The following GRIN3B variants were observed in gnomAD, a reference collection of about 807,000 sequenced individuals.
GRIN3B encodes the protein glutamate ionotropic receptor NMDA type subunit 3B, also known as glutamate receptor ionotropic, NMDA 3B.
GRIN3B carries 77 observed loss-of-function variants against 66.0 expected under a neutral mutation model. That is an observed-to-expected ratio of 1.17 (90% CI 0.97 to 1.41). The LOEUF (loss-of-function observed/expected upper bound fraction) is 1.41. Ranked by LOEUF, GRIN3B falls within the 40% of genes most tolerant of loss-of-function variation. The pLI is 0.00. For missense variants in GRIN3B, 1,787 were observed against 1,564.5 expected (o/e 1.14, Z -2.40); for synonymous variants, 823 against 749.7 (o/e 1.10, Z -1.60).
At position 1,008,607 on chromosome 19, in the gene GRIN3B, G is replaced by A; in HGVS notation, c.2467-11G>A. ...CGTGACCGTGCGGGGCTCCTGCTGTGTTGCCCCCAGACCCTGCAGATGAGC... is the reference window on the plus strand; with the variant it reads ...CGTGACCGTGCGGGGCTCCTGCTGTATTGCCCCCAGACCCTGCAGATGAGC... On this transcript the variant is annotated splice_polypyrimidine_tract_variant and intron_variant, in intron 6 of 8. Transcript: ENST00000234389. The A allele has an allele frequency of 6.3e-7, 1 of 1,594,436 alleles. No homozygotes were observed. The highest frequency in any genetic ancestry group is 8.5e-7 in the Non-Finnish European group (1 of 1,176,214).
In GRIN3B at chr19:1,008,711, G is replaced by T. The variant is rs766936575; in HGVS notation, c.2560G>T (p.Ala854Ser). The change falls in exon 7 of 9, where the codon GCC (alanine) becomes TCC (serine). Residue 854 changes from alanine (A) to serine (S), a missense_variant. Coordinates refer to ENST00000234389, the MANE Select transcript of GRIN3B (RefSeq NM_138690.3). Reference protein sequence around the residue: ...SALLSSLGEHAFFRLALPRIR... With the variant: ...SALLSSLGEHSFFRLALPRIR... ...TCTGCTCAGCTCGCTGGGCGAGCAC[G>T]CCTTCTTCCGCCTGGCGCTGCCGCG... The T allele has an allele frequency of 6.2e-7, 1 of 1,608,224 alleles. No homozygotes were observed. Among genetic ancestry groups the T allele is most frequent in the Admixed American group, 1.7e-5 (1 of 59,926 alleles).
rs1225753607 is a variant in GRIN3B, at chr19:1,008,122, C to G, written c.2315-18C>G. ...GGGCTGTCCCACCTGGCCCCACCGC[C>G]TGGCCCCGCGCCCCCAGGCTATGGG... On this transcript the variant is annotated intron_variant, in intron 5 of 8. Coordinates refer to ENST00000234389, the MANE Select transcript of GRIN3B (RefSeq NM_138690.3). 6.3e-7 allele frequency: 1 copy of G among 1,580,192 alleles called. No homozygotes were observed. The highest frequency in any genetic ancestry group is 8.6e-7 in the Non-Finnish European group (1 of 1,163,108).
rs543762684 is a variant in GRIN3B at position 1,008,795 on chromosome 19, T to TGGGCGGCGGGCGGC, written c.2631+14_2631+27dup. 12 of 1,596,194 alleles carry TGGGCGGCGGGCGGC rather than the reference T, an allele frequency of 7.5e-6. No individual in the cohort carries two copies. In the African/African-American group the frequency reaches 1.5e-4, roughly 20 times the overall value. On this transcript the variant is annotated intron_variant, in intron 7 of 8. Coordinates refer to ENST00000234389, the MANE Select transcript of GRIN3B (RefSeq NM_138690.3). Reference sequence around the variant, plus strand: ...GCACACCAGCCAGGTGGGGAGCGGGTGGGCGGCGGGCGGCCCCACCCCCCC... The same window carrying TGGGCGGCGGGCGGC: ...GCACACCAGCCAGGTGGGGAGCGGGTGGGCGGCGGGCGGCGGGCGGCGGGCGGCCCCACCCCCCC...
rs1389305653 is a variant in GRIN3B, at chr19:1,008,712, C to T, written c.2561C>T (p.Ala854Val). 1.2e-6 allele frequency: 2 copies of T among 1,608,598 alleles called. No individual in the cohort carries two copies. Among genetic ancestry groups the T allele is most frequent in the Non-Finnish European group, 1.7e-6 (2 of 1,179,334 alleles). Residue 854 changes from alanine to valine, a missense_variant, in exon 7 of 9, where the codon GCC becomes GTC. By Grantham distance (64) the Ala-to-Val change is moderately conservative (BLOSUM62 0). Transcript: ENST00000234389. The stretch of plus-strand genomic sequence containing the variant: ...CTGCTCAGCTCGCTGGGCGAGCACG[C>T]CTTCTTCCGCCTGGCGCTGCCGCGC... The part of the protein sequence containing the change: ...SALLSSLGEH[A>V]FFRLALPRIR...
In GRIN3B at chr19:1,000,645, C is replaced by G. The variant is rs1458236738; in HGVS notation, c.208C>G (p.Leu70Val). ...AALAPRLPHN[L>V]SLELVVAAPP... is the part of the protein sequence containing the mutation. The stretch of plus-strand genomic sequence containing the variant: ...CCTGGCGCCGCGGCTGCCGCACAAC[C>G]TGAGCTTGGAGCTGGTGGTCGCCGC... The change falls in exon 1 of 9, where the codon CTG (leucine) becomes GTG (valine). Residue 70 changes from leucine (L) to valine (V), a missense_variant. By Grantham distance (32) the Leu-to-Val change is conservative (BLOSUM62 1). Transcript: ENST00000234389. 10 of 1,284,230 alleles carry G rather than the reference C, an allele frequency of 7.8e-6. No individual in the cohort carries two copies. In the East Asian group the frequency reaches 3.5e-4, roughly 45 times the overall value. The allele number at this position is 1,284,230 out of a possible 1,614,324, so 79.6% of individuals were successfully genotyped here.
Position 1,009,631 on chromosome 19 carries a change from A to G in GRIN3B, c.*29A>G. On this transcript the variant is annotated 3_prime_UTR_variant, in exon 9 of 9. Coordinates refer to ENST00000234389, the MANE Select transcript of GRIN3B (RefSeq NM_138690.3). ...GGCAGCCGGGCCGTTTGGGCTCAAGACACACACACAGCGCAGTGAGCCGCT... is the reference window on the plus strand; with the variant it reads ...GGCAGCCGGGCCGTTTGGGCTCAAGGCACACACACAGCGCAGTGAGCCGCT... 7.2e-7 allele frequency: 1 copy of G among 1,381,178 alleles called. No homozygotes were observed. Among genetic ancestry groups the G allele is most frequent in the Non-Finnish European group, 9.4e-7 (1 of 1,069,102 alleles). The allele number at this position is 1,381,178 out of a possible 1,614,324, so 85.6% of individuals were successfully genotyped here.
At position 1,004,887 on chromosome 19, in the gene GRIN3B, G is replaced by A. The variant is rs1175293732; in HGVS notation, c.1386G>A (p.Ala462=). Residue 462 remains alanine, a synonymous_variant, in exon 3 of 9, where the codon GCG becomes GCA. Transcript: ENST00000234389. ...DSATLDALFA[A]LANGSAPRAL... The stretch of plus-strand genomic sequence containing the variant: ...CCACCCTGGACGCACTGTTCGCCGC[G>A]CTGGCCAACGGCTCAGCGCCCCGTG... 44 of 1,600,910 alleles carry A rather than the reference G, an allele frequency of 2.7e-5. 1 individual carries two copies. In the Middle Eastern group the frequency reaches 5.0e-4, roughly 18 times the overall value.
chr19:1,008,695 C>T lies in GRIN3B; in HGVS notation c.2544C>T (p.Ser848=), dbSNP rs759466508. Residue 848 remains serine (S), a synonymous_variant, in exon 7 of 9, where the codon AGC becomes AGT. Transcript: ENST00000234389. ...TGGGCCTGGGCAGCGCTCTGCTCAGCTCGCTGGGCGAGCACGCCTTCTTCC... is the reference window on the plus strand; with the variant it reads ...TGGGCCTGGGCAGCGCTCTGCTCAGTTCGCTGGGCGAGCACGCCTTCTTCC... The part of the protein sequence containing the change: ...LCLGLGSALL[S]SLGEHAFFRL... 1.9e-6 allele frequency: 3 copies of T among 1,607,264 alleles called. No homozygotes were observed. The highest frequency in any genetic ancestry group is 4.5e-5 in the East Asian group (2 of 44,874).
chr19:1,005,401 A>T lies in GRIN3B; in HGVS notation c.1900A>T (p.Ser634Cys), dbSNP rs2038737377. The T allele has an allele frequency of 6.2e-7, 1 of 1,613,676 alleles. No individual in the cohort carries two copies. ...CATCCTCTTCAGACGCACCGTGTCC[A>T]GCAAGACGCCCAAGTGCCCCACGGG... ...YAILFRRTVS[S>C]KTPKCPTGRL... Residue 634 changes from serine to cysteine, a missense_variant, in exon 3 of 9, where the codon AGC becomes TGC. Transcript: ENST00000234389. This position sits in a 1 kb window ranked among gnomAD's most constrained non-coding sequence, Gnocchi z 5.2.
Position 1,007,614 on chromosome 19 carries a change from G to T in GRIN3B, c.2053-14G>T. ...GAGGGGCAGGCAGAGGCGCTGACGG[G>T]GTCCCCCGCGCAGCTGCACCACCCG... On this transcript the variant is annotated splice_polypyrimidine_tract_variant and intron_variant, in intron 3 of 8. Transcript: ENST00000234389. This position sits in a 1 kb window ranked among gnomAD's most constrained non-coding sequence, Gnocchi z 4.4. 4.7e-6 allele frequency: 7 copies of T among 1,482,302 alleles called. No individual in the cohort carries two copies. The highest frequency in any genetic ancestry group is 6.3e-6 in the Non-Finnish European group (7 of 1,119,212). The allele number at this position is 1,482,302 out of a possible 1,614,324, so 91.8% of individuals were successfully genotyped here.
Position 1,008,611 on chromosome 19 carries a change from C to A in GRIN3B, c.2467-7C>A. The A allele has an allele frequency of 6.3e-7, 1 of 1,595,268 alleles. No individual in the cohort carries two copies. Among genetic ancestry groups the A allele is most frequent in the Non-Finnish European group, 8.5e-7 (1 of 1,176,698 alleles). On this transcript the variant is annotated splice_region_variant and splice_polypyrimidine_tract_variant and intron_variant, in intron 6 of 8. Coordinates refer to ENST00000234389, the MANE Select transcript of GRIN3B (RefSeq NM_138690.3). ...ACCGTGCGGGGCTCCTGCTGTGTTG[C>A]CCCCAGACCCTGCAGATGAGCATCT...
Position 1,005,562 on chromosome 19 carries a change from C to G in GRIN3B, c.2052+9C>G, listed in dbSNP as rs1568391322. 1.9e-6 allele frequency: 3 copies of G among 1,560,336 alleles called. No homozygotes were observed. Among genetic ancestry groups the G allele is most frequent in the Non-Finnish European group, 2.6e-6 (3 of 1,150,886 alleles). On this transcript the variant is annotated intron_variant, in intron 3 of 8. Transcript: ENST00000234389. The surrounding 1 kb of genome is among the most constrained non-coding windows in gnomAD (Gnocchi z 5.2). ...GGATCCACGACCCCAAGGTGGGCGG[C>G]CTCGGGGGGCTGCGGGTGGCCTTGG...
At position 1,004,658 on chromosome 19, in the gene GRIN3B, T is replaced by A; in HGVS notation, c.1157T>A (p.Val386Glu). The change falls in exon 3 of 9, where the codon GTG becomes GAG. Residue 386 changes from valine to glutamate, a missense_variant. Transcript: ENST00000234389. ...CGGGGCGCCCCGGCCTGGGCCACGG[T>A]GGGCAGCTGGCGGGACGGCCAGCTG... is the stretch of plus-strand genomic sequence containing the variant. ...DPRGAPAWAT[V>E]GSWRDGQLDL... is the part of the protein sequence containing the mutation. 1.3e-6 allele frequency: 2 copies of A among 1,599,352 alleles called. No homozygotes were observed. Among genetic ancestry groups the A allele is most frequent in the Non-Finnish European group, 1.7e-6 (2 of 1,173,510 alleles).
rs546332829 is a variant in GRIN3B, at chr19:1,005,738, G to A, written c.2052+185G>A. On this transcript the variant is annotated intron_variant, in intron 3 of 8. Coordinates refer to ENST00000234389, the MANE Select transcript of GRIN3B (RefSeq NM_138690.3). The surrounding 1 kb of genome is among the most constrained non-coding windows in gnomAD (Gnocchi z 5.2). ...AAAATAGCCGGGCGCGGTGGCTCAC[G>A]CCTGTAATCCCAGCACTTTGGGAGA... Among the ~76,000 whole-genome samples, 32 of 152,232 alleles carry A rather than the reference G, an allele frequency of 2.1e-4. No homozygotes were observed. The highest frequency in any genetic ancestry group is 6.8e-3 in the Middle Eastern group (2 of 294).
At position 1,008,190 on chromosome 19, in the gene GRIN3B, G is replaced by A. The variant is rs374542881; in HGVS notation, c.2365G>A (p.Glu789Lys). 9.3e-6 allele frequency: 15 copies of A among 1,610,500 alleles called. No homozygotes were observed. The African/African-American group carries it at 1.5e-4, about 16-fold the overall frequency. The change falls in exon 6 of 9, where the codon GAG becomes AAG. Residue 789 changes from glutamate to lysine, a missense_variant. By Grantham distance (56) the Glu-to-Lys change is moderately conservative. Coordinates refer to ENST00000234389, the MANE Select transcript of GRIN3B (RefSeq NM_138690.3). Reference protein sequence around the residue: ...QNSPLTSNLSEFISRYKSSGF... With the variant: ...QNSPLTSNLSKFISRYKSSGF... ...CTCGCCGCTCACCTCCAACCTGTCC[G>A]AGTTCATCAGCCGCTACAAGTCCTC...
Position 1,004,554 on chromosome 19 carries a change from G to A in GRIN3B, c.1053G>A (p.Thr351=), listed in dbSNP as rs140635499. The change falls in exon 3 of 9, where the codon ACG becomes ACA. Residue 351 remains threonine (T), a synonymous_variant. Coordinates refer to ENST00000234389, the MANE Select transcript of GRIN3B (RefSeq NM_138690.3). ...CCAACACGTCCTTCCAGGGCCGCACGGGCCCCGTGTGGGTGACAGGCAGCT... is the reference window on the plus strand; with the variant it reads ...CCAACACGTCCTTCCAGGGCCGCACAGGCCCCGTGTGGGTGACAGGCAGCT... The part of the protein sequence containing the change: ...FLANTSFQGR[T]GPVWVTGSSQ... 1.2e-4 allele frequency: 150 copies of A among 1,286,690 alleles called. No individual in the cohort carries two copies. The African/African-American group carries it at 1.4e-3, about 12-fold the overall frequency. The allele number at this position is 1,286,690 out of a possible 1,614,324, so 79.7% of individuals were successfully genotyped here.
In GRIN3B at chr19:1,007,852, G is replaced by C; in HGVS notation, c.2199-4G>C. On this transcript the variant is annotated splice_region_variant and splice_polypyrimidine_tract_variant and intron_variant, in intron 4 of 8. Coordinates refer to ENST00000234389, the MANE Select transcript of GRIN3B (RefSeq NM_138690.3). The surrounding 1 kb of genome is among the most constrained non-coding windows in gnomAD (Gnocchi z 4.4). Reference sequence around the variant, plus strand: ...TGGCTGACCCCCGCCCCCGGCCCCAGCAGGAGCGACCCCCCCAAGCTCAAC... The same window carrying C: ...TGGCTGACCCCCGCCCCCGGCCCCACCAGGAGCGACCCCCCCAAGCTCAAC... 6.2e-7 allele frequency: 1 copy of C among 1,602,934 alleles called. No homozygotes were observed. The highest frequency in any genetic ancestry group is 8.5e-7 in the Non-Finnish European group (1 of 1,173,504).
chr19:1,004,545 G>A lies in GRIN3B; in HGVS notation c.1044G>A (p.Gln348=), dbSNP rs1302534798. ...GGTTCCTGGCCAACACGTCCTTCCA[G>A]GGCCGCACGGGCCCCGTGTGGGTGA... ...LARFLANTSF[Q]GRTGPVWVTG... Residue 348 remains glutamine, a synonymous_variant, in exon 3 of 9, where the codon CAG becomes CAA. Transcript: ENST00000234389. 7.7e-7 allele frequency: 1 copy of A among 1,299,054 alleles called. No individual in the cohort carries two copies. The highest frequency in any genetic ancestry group is 1.2e-5 in the South Asian group (1 of 85,670). 80.5% of individuals were successfully genotyped at this position (1,299,054 alleles called of 1,614,324 possible). A position where few individuals can be genotyped will look rare whatever the true frequency, so the allele number is the denominator to read the frequency against.
intron 6 of GRIN3B, 62 bp downstream of exon 6, chr19:1,008,353 G>A: frequency 7.9e-7 from 1 of 1,264,944 alleles, no homozygotes. Context: ...CCTGAGCCTT[G>A]TCTGAAGTGA....
Sources: gnomAD v4.1 joint callset for allele counts (sites outside exome capture counted in the v4.1 genomes callset) on GRCh38, gnomAD v4.1.1 for gene constraint, Gnocchi (gnomAD v3.1) non-coding constraint, MANE v1.5 for transcripts, NCBI Gene and HGNC (gene_info 2026-07-23, HGNC 2026-07-21) for gene names.